Variants in TRIM5 observed in about 807,000 individuals in gnomAD.
TRIM5 encodes tripartite motif-containing protein 5.
TRIM5 carries 31 observed loss-of-function variants against 35.6 expected under a neutral mutation model. That is an observed-to-expected ratio of 0.87 (90% CI 0.65 to 1.18). The LOEUF (loss-of-function observed/expected upper bound fraction) is 1.18. Among genes scored for constraint, TRIM5 ranks in the 50% most tolerant of loss-of-function variants. The pLI, the probability that TRIM5 is intolerant of heterozygous loss-of-function variation, is 0.00. For synonymous variants in TRIM5, 243 were observed against 215.6 expected (o/e 1.13, Z -1.11); for missense variants, 609 against 591.6 (o/e 1.03, Z -0.31).
chr11:5,596,926 G>C, the TRIM5 span: 1 of 1,614,042 alleles, frequency 6.2e-7, no homozygotes, highest in African/African-American at 1.3e-5. Flanking sequence ...TATGTCTACC[G>C]TTCTGTTGAC....
downstream of TRIM5, among the ~76,000 whole-genome samples, chr11:5,658,204 A>C (rs1219569826): frequency 2.0e-5 from 3 of 152,180 alleles, no homozygotes; most frequent in Non-Finnish European, 4.4e-5. Flanking sequence ...TTGGTAGAAG[A>C]ACACACCAAC....
chr11:5,664,440 C>T lies in TRIM5; in HGVS notation c.*369G>A. On this transcript the variant is annotated 3_prime_UTR_variant, in exon 8 of 8. Coordinates refer to ENST00000380034, the MANE Select transcript of TRIM5 (RefSeq NM_033034.3). ...GACTCATTCATTGGTGAACAATTAT[C>T]ACACGATGATATAGAAAGGCTGTTG... 1 of 1,015,200 alleles carries T rather than the reference C, an allele frequency of 9.9e-7. No homozygotes were observed. The highest frequency in any genetic ancestry group is 1.2e-6 in the Non-Finnish European group (1 of 847,686). 62.9% of individuals were successfully genotyped at this position (1,015,200 alleles called of 1,614,324 possible). A position where few individuals can be genotyped will look rare whatever the true frequency, so the allele number is the denominator to read the frequency against.
At chr11:5,679,306 T>C in intron 2 of TRIM5, 137 bp from the exon 3 acceptor site, 1 of 760,596 alleles carries the variant, frequency 1.3e-6, no homozygotes, top group Non-Finnish European at 2.2e-6. Flanking sequence ...TGAGAATCCA[T>C]GACTTGGAAG....
the TRIM5 span, among the ~76,000 whole-genome samples, chr11:5,602,285 CA>C: frequency 6.0e-5 from 9 of 151,210 alleles, no homozygotes; most frequent in South Asian, 2.1e-4. Context: ...CTAAAAAATA[CA>C]AAAAAAATTA....
chr11:5,608,847 A>ATTTTTTTTTTTTTTTTT, the TRIM5 span, among the ~76,000 whole-genome samples: 2 of 101,902 alleles, frequency 2.0e-5, 1 homozygote, highest in African/African-American at 8.6e-5. Context: ...TTGCCCATAA[A>ATTTTTTTTTTTTTTTTT]TTTTTTTTTT....
chr11:5,602,873 G>C, the TRIM5 span, among the ~76,000 whole-genome samples: 2 of 152,100 alleles, frequency 1.3e-5, no homozygotes, highest in African/African-American at 4.8e-5. Flanking sequence ...AGAATTGCTT[G>C]AACCTGGGAG....
the TRIM5 span, chr11:5,645,860 T>C: frequency 8.2e-6 from 1 of 121,786 alleles, no homozygotes; most frequent in Non-Finnish European, 1.4e-5. Context: ...TCTCATCTAG[T>C]CTTCTGGAAA....
chr11:5,646,972 AAAACGATTT>A, the TRIM5 span, among the ~76,000 whole-genome samples: 1 of 152,236 alleles, frequency 6.6e-6, no homozygotes, highest in South Asian at 2.1e-4. Context: ...GTGCCTTAAC[AAAACGATTT>A]AATGTGTGGA....
chr11:5,605,295 T>A, the TRIM5 span: 4 of 1,612,346 alleles, frequency 2.5e-6, no homozygotes, highest in Non-Finnish European at 3.4e-6. Flanking sequence ...AGACCCTCAG[T>A]GTGACCGACT....
chr11:5,610,551 A>C, the TRIM5 span: 1 of 1,613,706 alleles, frequency 6.2e-7, no homozygotes, highest in South Asian at 1.1e-5. Flanking sequence ...CAGATGTCCA[A>C]AGCTACTGGG....
the TRIM5 span, among the ~76,000 whole-genome samples, chr11:5,606,989 G>A: frequency 2.6e-5 from 4 of 152,122 alleles, no homozygotes; most frequent in South Asian, 4.1e-4. Flanking sequence ...GGATCATGAG[G>A]TCAGGAGATT....
chr11:5,596,383 G>A, the TRIM5 span, among the ~76,000 whole-genome samples: 1 of 151,346 alleles, frequency 6.6e-6, no homozygotes, highest in African/African-American at 2.4e-5. Flanking sequence ...CGTGTAAAGA[G>A]AGTTAAACCT....
At chr11:5,608,672 C>T in the TRIM5 span, among the ~76,000 whole-genome samples, 1 of 151,510 alleles carries the variant, frequency 6.6e-6, no homozygotes, top group African/African-American at 2.4e-5. Flanking sequence ...GCCTGGGAGA[C>T]AAAGGGAGAC....
At chr11:5,604,162 T>TTG in the TRIM5 span, among the ~76,000 whole-genome samples, 1,205 of 150,368 alleles carry the variant, frequency 8.0e-3, 19 homozygotes, top group Admixed American at 0.037. Flanking sequence ...GCCCAGCTAA[T>TTG]TGTGTGTGTG....
chr11:5,593,640 C>T, the TRIM5 span, among the ~76,000 whole-genome samples: 1 of 152,102 alleles, frequency 6.6e-6, no homozygotes, highest in Admixed American at 6.5e-5. Flanking sequence ...CCACTTATTG[C>T]TATTAAGAAA....
the TRIM5 span, among the ~76,000 whole-genome samples, chr11:5,597,195 A>G: frequency 6.6e-6 from 1 of 152,078 alleles, no homozygotes; most frequent in Non-Finnish European, 1.5e-5. Context: ...TGTTAACTTG[A>G]CTTCTTTGAG....
At chr11:5,661,384 C>A (rs988862698), downstream of TRIM5, among the ~76,000 whole-genome samples, 3 of 152,148 alleles carry the variant, frequency 2.0e-5, no homozygotes, top group Non-Finnish European at 2.9e-5. Flanking sequence ...TTCTCTTTAG[C>A]CCCTACGAAC....
At chr11:5,629,672 G>A in the TRIM5 span, among the ~76,000 whole-genome samples, 1 of 152,182 alleles carries the variant, frequency 6.6e-6, no homozygotes, top group African/African-American at 2.4e-5. Flanking sequence ...CATGCAGACA[G>A]GGCCGCTTCA....
chr11:5,599,185 T>C, the TRIM5 span, among the ~76,000 whole-genome samples: 2 of 152,210 alleles, frequency 1.3e-5, no homozygotes, highest in Non-Finnish European at 2.9e-5. Flanking sequence ...AGTTTGTTCA[T>C]TTACCAGTTA....
Sources: gnomAD v4.1 joint callset for allele counts (sites outside exome capture counted in the v4.1 genomes callset) on GRCh38, gnomAD v4.1.1 for gene constraint, MANE v1.5 for transcripts, NCBI Gene and HGNC (gene_info 2026-07-23, HGNC 2026-07-21) for gene names.